Variants in SAMD5 observed in about 807,000 individuals in gnomAD.
The protein encoded by SAMD5 is sterile alpha motif domain-containing protein 5.
In SAMD5, 13 loss-of-function variants were observed where a neutral mutation model predicts 11.3. That is an observed-to-expected ratio of 1.15 (90% CI 0.75 to 1.83). The LOEUF (loss-of-function observed/expected upper bound fraction) is 1.83, where lower values mean the gene tolerates loss of function less well. SAMD5 is among the 40% of genes most tolerant of loss of function. The pLI, the probability that SAMD5 is intolerant of heterozygous loss-of-function variation, is 0.00. For synonymous variants in SAMD5, 129 were observed against 111.3 expected (o/e 1.16, Z -1.00); for missense variants, 255 against 239.1 (o/e 1.07, Z -0.44).
chr6:147,767,901 A>G, the SAMD5 span, among the ~76,000 whole-genome samples: 2 of 152,294 alleles, frequency 1.3e-5, no homozygotes, highest in South Asian at 2.1e-4. Context: ...AAATAAAAGC[A>G]TATTATTTAG....
chr6:147,918,917 G>A, the SAMD5 span, among the ~76,000 whole-genome samples: 2 of 151,996 alleles, frequency 1.3e-5, no homozygotes, highest in Non-Finnish European at 2.9e-5. Flanking sequence ...GTGTTAGCCA[G>A]GATGGTCTCA....
the SAMD5 span, among the ~76,000 whole-genome samples, chr6:147,870,472 G>GTATA: frequency 4.8e-5 from 6 of 125,624 alleles, no homozygotes; most frequent in Non-Finnish European, 1.7e-5. Context: ...GTGTGTGTGT[G>GTATA]TGTGTGTGTG....
chr6:147,606,600 C>G (rs1201418598), intron 1 of SAMD5, among the ~76,000 whole-genome samples: 1 of 151,616 alleles, frequency 6.6e-6, no homozygotes, highest in African/African-American at 2.4e-5. Context: ...TAAATAGAGT[C>G]TAGATAGTGG....
chr6:147,761,972 C>T, the SAMD5 span, among the ~76,000 whole-genome samples: 1 of 152,058 alleles, frequency 6.6e-6, no homozygotes, highest in South Asian at 2.1e-4. Context: ...CTCAGCCTTC[C>T]AAAGTCCTGG....
rs114345509 is a variant in SAMD5 at position 147,537,107 on chromosome 6, C to A, written c.460-27287C>A. ...TTTAACATAATAATTGTAATTATTACTGATAACATATAGTAAGTCATATTA... is the reference window on the plus strand; with the variant it reads ...TTTAACATAATAATTGTAATTATTAATGATAACATATAGTAAGTCATATTA... On this transcript the variant is annotated intron_variant, in intron 1 of 1. Coordinates refer to ENST00000367474, the MANE Select transcript of SAMD5 (RefSeq NM_001030060.3). Among the ~76,000 whole-genome samples, 1,315 of 152,124 alleles carry A rather than the reference C, an allele frequency of 8.6e-3. 17 individuals carry two copies. Among genetic ancestry groups the A allele is most frequent in the African/African-American group, 0.029 (1,204 of 41,516 alleles).
At chr6:147,638,115 C>A (rs1477725841) in intron 1 of SAMD5, among the ~76,000 whole-genome samples, 1 of 152,042 alleles carries the variant, frequency 6.6e-6, no homozygotes, top group Non-Finnish European at 1.5e-5. Flanking sequence ...CTCTCTCTCT[C>A]CCTCCCTCTC....
the SAMD5 span, among the ~76,000 whole-genome samples, chr6:147,854,798 T>G: frequency 6.6e-6 from 1 of 152,124 alleles, no homozygotes; most frequent in African/African-American, 2.4e-5. Flanking sequence ...ATACCAAGTG[T>G]CCTTTTAAAA....
intron 1 of SAMD5, among the ~76,000 whole-genome samples, chr6:147,723,714 A>C (rs2128459433): frequency 6.6e-6 from 1 of 152,278 alleles, no homozygotes; most frequent in Admixed American, 6.5e-5. Flanking sequence ...CTTATTACCA[A>C]GTTTCCCCAT....
the SAMD5 span, among the ~76,000 whole-genome samples, chr6:147,881,961 T>C: frequency 4.6e-5 from 7 of 152,208 alleles, no homozygotes; most frequent in Admixed American, 6.5e-5. Flanking sequence ...CAGTGCCCGA[T>C]ATGAATGCAT....
At chr6:147,821,071 G>C in the SAMD5 span, among the ~76,000 whole-genome samples, 31 of 152,130 alleles carry the variant, frequency 2.0e-4, no homozygotes, top group Non-Finnish European at 3.7e-4. Context: ...GCACACAGTA[G>C]GGACTCAGTA....
chr6:147,847,286 A>C, the SAMD5 span, among the ~76,000 whole-genome samples: 123 of 152,344 alleles, frequency 8.1e-4, no homozygotes, highest in Non-Finnish European at 9.8e-4. Flanking sequence ...GTTCTCATTT[A>C]TAAGAGTCAG....
chr6:147,873,406 A>G, the SAMD5 span, among the ~76,000 whole-genome samples: 1 of 151,994 alleles, frequency 6.6e-6, no homozygotes, highest in Non-Finnish European at 1.5e-5. Flanking sequence ...TTAACAACTA[A>G]GTATATTTGT....
intron 1 of SAMD5, among the ~76,000 whole-genome samples, chr6:147,553,186 T>C (rs1351357649): frequency 6.6e-6 from 1 of 152,212 alleles, no homozygotes; most frequent in Non-Finnish European, 1.5e-5. Flanking sequence ...GGGACTGCTG[T>C]GGTTCCTATT....
At chr6:147,914,519 G>A in the SAMD5 span, among the ~76,000 whole-genome samples, 1 of 152,188 alleles carries the variant, frequency 6.6e-6, no homozygotes, top group Admixed American at 6.5e-5. Context: ...GCAGAAAAGG[G>A]AGGGTCATTG....
the SAMD5 span, among the ~76,000 whole-genome samples, chr6:147,840,322 T>C: frequency 1.3e-5 from 2 of 152,216 alleles, no homozygotes; most frequent in African/African-American, 4.8e-5. Flanking sequence ...GTGCCTGGGG[T>C]GAAACATATA....
At chr6:147,903,909 GAAA>G in the SAMD5 span, among the ~76,000 whole-genome samples, 192 of 142,352 alleles carry the variant, frequency 1.3e-3, 1 homozygote, top group African/African-American at 4.8e-3. Flanking sequence ...CTCCATCTTG[GAAA>G]AAAAAAAAAA....
chr6:147,593,231 G>A (rs1583098857), intron 1 of SAMD5, among the ~76,000 whole-genome samples: 1 of 152,088 alleles, frequency 6.6e-6, no homozygotes, highest in Non-Finnish European at 1.5e-5. Context: ...AAAATAAACG[G>A]CTTTATAGTC....
intron 1 of SAMD5, among the ~76,000 whole-genome samples, chr6:147,618,091 T>C (rs2128449849): frequency 6.6e-6 from 1 of 152,322 alleles, no homozygotes; most frequent in South Asian, 2.1e-4. Context: ...TTAATCCTCA[T>C]AGTAACCTTA....
rs562425634 is a variant in SAMD5, at chr6:147,719,645, T to C, written c.163-17672T>C. Among the ~76,000 whole-genome samples the C allele has an allele frequency of 7.2e-5, 11 of 152,240 alleles. No homozygotes were observed. In the East Asian group the frequency reaches 1.5e-3, roughly 21 times the overall value. ...CAGCAAGTATCAGAATTTCATACAA[T>C]ATCCACTATGGTACGTCTCATTAGA... On this transcript the variant is annotated intron_variant, in intron 1 of 1. Coordinates refer to the SAMD5 transcript ENST00000566741.
Sources: allele counts gnomAD v4.1 joint callset (sites outside exome capture counted in the v4.1 genomes callset), GRCh38; gene constraint gnomAD v4.1.1; transcripts MANE v1.5; gene names NCBI Gene and HGNC (gene_info 2026-07-23, HGNC 2026-07-21).